Variants in EPHA3 observed in about 807,000 individuals in gnomAD.
EPHA3 encodes the protein ephrin type-A receptor 3.
A neutral mutation model predicts 107.1 loss-of-function variants in EPHA3; 42 were observed. The ratio of observed to expected loss-of-function variants is 0.39; its 90% CI spans 0.31 to 0.51. EPHA3 has a LOEUF of 0.51. Among genes scored for constraint, EPHA3 ranks in the 20% least tolerant of loss-of-function variants. The pLI, the probability that EPHA3 is intolerant of heterozygous loss-of-function variation, is 0.78. For missense variants in EPHA3, 1,183 were observed against 1,211.2 expected (o/e 0.98, Z 0.35); for synonymous variants, 461 against 424.8 (o/e 1.09, Z -1.05).
chr3:89,285,109 C>A (rs191387006), intron 3 of EPHA3, among the ~76,000 whole-genome samples: 1 of 151,902 alleles, frequency 6.6e-6, no homozygotes, highest in African/African-American at 2.4e-5. Context: ...GGCAACAGAG[C>A]GAAACTCTGT....
intron 11 of EPHA3, among the ~76,000 whole-genome samples, chr3:89,419,651 A>G (rs1709318325): frequency 6.6e-6 from 1 of 151,474 alleles, no homozygotes; most frequent in African/African-American, 2.4e-5. Flanking sequence ...AGGTACGCTG[A>G]TTAGCAGACA....
intron 3 of EPHA3, among the ~76,000 whole-genome samples, chr3:89,316,343 C>T (rs934820087): frequency 2.0e-5 from 3 of 151,176 alleles, no homozygotes; most frequent in African/African-American, 7.3e-5. Flanking sequence ...AAACAACAGG[C>T]CACAGCATCA....
chr3:89,480,030 T>C lies in EPHA3; in HGVS notation c.*528T>C, dbSNP rs1559711932. On this transcript the variant is annotated 3_prime_UTR_variant, in exon 17 of 17. Coordinates refer to ENST00000336596, the MANE Select transcript of EPHA3 (RefSeq NM_005233.6). ...TATTCTCTTTTATCTGTTTAAAGCA[T>C]ATAGAGATGAAGTTTGTAGTTGTTT... is the stretch of plus-strand genomic sequence containing the variant. 3 of 233,000 alleles carry C rather than the reference T, an allele frequency of 1.3e-5. No individual in the cohort carries two copies. Among genetic ancestry groups the C allele is most frequent in the Non-Finnish European group, 2.5e-5 (3 of 117,732 alleles). The allele number at this position is 233,000 out of a possible 1,614,324, so 14.4% of individuals were successfully genotyped here. A position where few individuals can be genotyped will look rare whatever the true frequency, so the allele number is the denominator to read the frequency against.
At chr3:89,215,478 A>G (rs1411354426) in intron 3 of EPHA3, among the ~76,000 whole-genome samples, 2 of 151,908 alleles carry the variant, frequency 1.3e-5, no homozygotes, top group African/African-American at 4.8e-5. Flanking sequence ...AGAAATGTGA[A>G]TTCTTTGTTC....
chr3:89,333,540 G>A (rs1707333923), intron 3 of EPHA3, among the ~76,000 whole-genome samples: 1 of 152,154 alleles, frequency 6.6e-6, no homozygotes, highest in African/African-American at 2.4e-5. Context: ...ACTTAAACTT[G>A]AAGAGCTGAA....
chr3:89,136,330 C>CTTTTTTTTTT (rs67054298), intron 2 of EPHA3, among the ~76,000 whole-genome samples: 319 of 23,376 alleles, frequency 0.014, 100 homozygotes, highest in African/African-American at 0.047. Context: ...ATCTTACAGG[C>CTTTTTTTTTT]TTTTTTTTTT....
chr3:89,256,941 C>T (rs1705300163), intron 3 of EPHA3, among the ~76,000 whole-genome samples: 1 of 152,186 alleles, frequency 6.6e-6, no homozygotes, highest in South Asian at 2.1e-4. Flanking sequence ...GAATCTCTTT[C>T]ACAATCTAAT....
intron 3 of EPHA3, among the ~76,000 whole-genome samples, chr3:89,275,227 A>G (rs187328288): frequency 5.9e-5 from 9 of 152,150 alleles, no homozygotes; most frequent in East Asian, 3.9e-4. Flanking sequence ...AGCAATGTCA[A>G]TTCTACACAC....
chr3:89,154,633 T>C (rs1704759311), intron 2 of EPHA3, among the ~76,000 whole-genome samples: 1 of 151,646 alleles, frequency 6.6e-6, no homozygotes, highest in South Asian at 2.1e-4. Flanking sequence ...ATTTCAATCA[T>C]TTGGCAGCCA....
intron 2 of EPHA3, among the ~76,000 whole-genome samples, chr3:89,132,897 G>T (rs75725462): frequency 0.012 from 1,829 of 152,090 alleles, 41 homozygotes; most frequent in African/African-American, 0.041. Flanking sequence ...CTCTCAAAAA[G>T]AATTTTTTTA....
At chr3:89,184,082 A>G (rs1269810801) in intron 2 of EPHA3, among the ~76,000 whole-genome samples, 1 of 151,860 alleles carries the variant, frequency 6.6e-6, no homozygotes, top group East Asian at 1.9e-4. Flanking sequence ...GGAATTTTCA[A>G]GATGTTGGTA....
chr3:89,406,493 G>T (rs1709057681), intron 7 of EPHA3, among the ~76,000 whole-genome samples: 1 of 152,048 alleles, frequency 6.6e-6, no homozygotes, highest in Non-Finnish European at 1.5e-5. Context: ...GCCCATTCTA[G>T]CATAAAATCA....
intron 12 of EPHA3, among the ~76,000 whole-genome samples, chr3:89,429,430 A>G (rs915618656): frequency 6.6e-6 from 1 of 152,146 alleles, no homozygotes; most frequent in African/African-American, 2.4e-5. Flanking sequence ...CACTCGTTAA[A>G]TAAAAATAAA....
chr3:89,264,861 A>G (rs762069513), intron 3 of EPHA3, among the ~76,000 whole-genome samples: 3 of 152,190 alleles, frequency 2.0e-5, no homozygotes, highest in Non-Finnish European at 4.4e-5. Context: ...TTGAAGTTCC[A>G]AAGAGTCATT....
At chr3:89,363,707 T>C (rs1202789649) in intron 5 of EPHA3, among the ~76,000 whole-genome samples, 1 of 150,774 alleles carries the variant, frequency 6.6e-6, no homozygotes, top group African/African-American at 2.4e-5. Flanking sequence ...TGCATGCACA[T>C]GATTGCTGTT....
chr3:89,184,588 G>A (rs1050691632), intron 2 of EPHA3, among the ~76,000 whole-genome samples: 6 of 151,926 alleles, frequency 3.9e-5, no homozygotes, highest in African/African-American at 1.4e-4. Context: ...TTTTTCAGGA[G>A]CAAAATCCAA....
intron 15 of EPHA3, among the ~76,000 whole-genome samples, chr3:89,455,355 G>A (rs758107219): frequency 8.5e-5 from 13 of 152,150 alleles, no homozygotes; most frequent in Non-Finnish European, 1.6e-4. Flanking sequence ...ATTAAAAAAT[G>A]CAAAAGTCTT....
At chr3:89,329,128 G>A (rs1251541812) in intron 3 of EPHA3, among the ~76,000 whole-genome samples, 3 of 152,062 alleles carry the variant, frequency 2.0e-5, no homozygotes, top group Non-Finnish European at 4.4e-5. Context: ...TAACTCCAAA[G>A]GGTTAATGGA....
At chr3:89,408,923 A>G (rs1709106012) in intron 9 of EPHA3, among the ~76,000 whole-genome samples, 1 of 152,062 alleles carries the variant, frequency 6.6e-6, no homozygotes, top group African/African-American at 2.4e-5. Context: ...TTTTTTTAGT[A>G]TTCACTATTG....
Sources: gnomAD v4.1 joint callset for allele counts (sites outside exome capture counted in the v4.1 genomes callset) on GRCh38, gnomAD v4.1.1 for gene constraint, MANE v1.5 for transcripts, NCBI Gene and HGNC (gene_info 2026-07-23, HGNC 2026-07-21) for gene names.